GRIA1: variants seen among roughly 807,000 people sequenced by gnomAD.
GRIA1 encodes glutamate ionotropic receptor AMPA type subunit 1.
In GRIA1, 31 loss-of-function variants were observed where a neutral mutation model predicts 99.2. That is an observed-to-expected ratio of 0.31 (90% CI 0.23 to 0.42). The LOEUF is 0.42. GRIA1 is among the 10% of genes least tolerant of loss of function. The pLI is 1.00. For synonymous variants in GRIA1, 438 were observed against 432.4 expected, an observed-to-expected ratio of 1.01 and a Z score of -0.16; for missense variants, 782 against 1,157.5, an observed-to-expected ratio of 0.68 and a Z score of 4.71.
At chr5:153,540,102 C>A (rs1406382529) in intron 2 of GRIA1, among the ~76,000 whole-genome samples, 1 of 152,192 alleles carries the variant, frequency 6.6e-6, no homozygotes, top group African/African-American at 2.4e-5. Flanking sequence ...CTGTGGGGTG[C>A]ATTGTCCCCT....
At position 153,686,274 on chromosome 5, in the gene GRIA1, G is replaced by A. The variant is rs143445023; in HGVS notation, c.1079G>A (p.Arg360His). 28 of 1,613,878 alleles carry A rather than the reference G, an allele frequency of 1.7e-5. No individual in the cohort carries two copies. The highest frequency in any genetic ancestry group is 1.6e-4 in the Middle Eastern group (1 of 6,080). ...AACGTGCAGTTTAATGAGAAAGGAC[G>A]CCGGACCAACTACACGCTCCACGTG... Reference protein sequence around the residue: ...TGNVQFNEKGRRTNYTLHVIE... With the variant: ...TGNVQFNEKGHRTNYTLHVIE... The change falls in exon 8 of 16, where the codon CGC (arginine) becomes CAC (histidine). Residue 360 changes from arginine to histidine, a missense_variant. Arg to His is a conservative substitution (Grantham distance 29, BLOSUM62 0). Around this residue, in one of 5 missense-constraint regions of GRIA1, gnomAD observed 461 missense variants for 521.7 expected, o/e 0.88. Transcript: ENST00000285900.
chr5:153,808,028 G>A (rs757515044), intron 15 of GRIA1, among the ~76,000 whole-genome samples: 1 of 152,240 alleles, frequency 6.6e-6, no homozygotes, highest in Non-Finnish European at 1.5e-5. Context: ...CTCCACAGCA[G>A]GTGGTCACTG....
intron 8 of GRIA1, among the ~76,000 whole-genome samples, chr5:153,687,699 A>G (rs1175165158): frequency 1.3e-5 from 2 of 152,194 alleles, no homozygotes; most frequent in African/African-American, 4.8e-5. Context: ...ATCACTGCAG[A>G]AAGTTCTACT....
intron 13 of GRIA1, among the ~76,000 whole-genome samples, chr5:153,792,577 G>C (rs1221362674): frequency 2.6e-5 from 4 of 152,166 alleles, no homozygotes; most frequent in Non-Finnish European, 5.9e-5. Context: ...AGAAGGAAAG[G>C]TAACAAAACA....
At chr5:153,640,981 A>G (rs1450292370) in intron 2 of GRIA1, among the ~76,000 whole-genome samples, 2 of 152,196 alleles carry the variant, frequency 1.3e-5, no homozygotes, top group Admixed American at 1.3e-4. Context: ...ACGATACAAG[A>G]GAATATAAAA....
chr5:153,745,589 C>CAA lies in GRIA1; in HGVS notation c.1824-18823_1824-18822dup, dbSNP rs58166158. On this transcript the variant is annotated intron_variant, in intron 11 of 15. Coordinates refer to ENST00000285900, the MANE Select transcript of GRIA1 (RefSeq NM_000827.4). ...GGGCAACAAAAGCAAAACTCTGTCTCAAAAAAAAAAAAAAAAAAAAAAAGA... is the reference window on the plus strand; with the variant it reads ...GGGCAACAAAAGCAAAACTCTGTCTCAAAAAAAAAAAAAAAAAAAAAAAAAGA... Among the ~76,000 whole-genome samples the CAA allele has an allele frequency of 2.1e-3, 210 of 100,438 alleles. 1 individual carries two copies. Among genetic ancestry groups the CAA allele is most frequent in the Middle Eastern group, 0.011 (2 of 188 alleles). 65.9% of individuals were successfully genotyped at this position (100,438 alleles called of 152,430 possible).
Position 153,778,175 on chromosome 5 carries a change from C to CAG in GRIA1, c.2270+7777_2270+7778dup, listed in dbSNP as rs1313488385. ...CAAAGGAAGGAGGGAGGCAGAGAGA[C>CAG]AGAGAGAGAGAGAGAGAGTGTGTGT... On this transcript the variant is annotated intron_variant, in intron 13 of 15. Transcript: ENST00000285900. Among the ~76,000 whole-genome samples the CAG allele has an allele frequency of 3.5e-3, 513 of 146,306 alleles. 1 individual carries two copies. The highest frequency in any genetic ancestry group is 5.2e-3 in the South Asian group (23 of 4,392).
chr5:153,632,723 T>C (rs928681184), intron 2 of GRIA1, among the ~76,000 whole-genome samples: 1 of 152,210 alleles, frequency 6.6e-6, no homozygotes, highest in Admixed American at 6.5e-5. Context: ...ACATCTACTA[T>C]GTCAGGGTCA....
intron 13 of GRIA1, among the ~76,000 whole-genome samples, chr5:153,773,482 C>T (rs1268007052): frequency 2.0e-5 from 3 of 152,154 alleles, no homozygotes; most frequent in Non-Finnish European, 2.9e-5. Context: ...ACTCTGAAGG[C>T]AAAAGGTGAT....
chr5:153,729,129 C>G (rs1016067808), intron 11 of GRIA1, among the ~76,000 whole-genome samples: 1 of 147,594 alleles, frequency 6.8e-6, no homozygotes, highest in African/African-American at 2.5e-5. Context: ...TAAACTATCA[C>G]AAGAACAAAA....
intron 2 of GRIA1, among the ~76,000 whole-genome samples, chr5:153,606,737 T>G (rs1449132590): frequency 2.6e-5 from 4 of 151,926 alleles, no homozygotes; most frequent in African/African-American, 4.8e-5. Flanking sequence ...ATTTTATGTC[T>G]CGTGACCTTG....
intron 11 of GRIA1, among the ~76,000 whole-genome samples, chr5:153,710,614 C>T (rs549078608): frequency 4.6e-5 from 7 of 152,240 alleles, no homozygotes; most frequent in African/African-American, 1.7e-4. Flanking sequence ...TCTTTAGTAC[C>T]TTCAACTTTC....
At chr5:153,778,066 G>A (rs941164768) in intron 13 of GRIA1, among the ~76,000 whole-genome samples, 1 of 152,232 alleles carries the variant, frequency 6.6e-6, no homozygotes, top group South Asian at 2.1e-4. Flanking sequence ...GAGAAAGGAA[G>A]AGAAGGAGGA....
At chr5:153,788,131 T>C (rs939263954) in intron 13 of GRIA1, among the ~76,000 whole-genome samples, 3 of 151,862 alleles carry the variant, frequency 2.0e-5, no homozygotes, top group Non-Finnish European at 4.4e-5. Context: ...CTTGGGCTTC[T>C]CCCAAATCCA....
At chr5:153,722,791 C>T (rs1036685549) in intron 11 of GRIA1, among the ~76,000 whole-genome samples, 79 of 152,300 alleles carry the variant, frequency 5.2e-4, no homozygotes, top group Middle Eastern at 3.4e-3. Flanking sequence ...ATTCTCTTCA[C>T]ATAGAGACTC....
intron 2 of GRIA1, among the ~76,000 whole-genome samples, chr5:153,548,171 G>A (rs1759782745): frequency 6.6e-6 from 1 of 152,054 alleles, no homozygotes; most frequent in African/African-American, 2.4e-5. Flanking sequence ...TTGCTTTTAA[G>A]GTGCTGTGAT....
chr5:153,722,463 A>G (rs1399745645), intron 11 of GRIA1, among the ~76,000 whole-genome samples: 1 of 152,162 alleles, frequency 6.6e-6, no homozygotes, highest in Non-Finnish European at 1.5e-5. Flanking sequence ...TTACTTTTAG[A>G]TCTAGGTGTT....
chr5:153,556,931 A>G (rs1446749348), intron 2 of GRIA1, among the ~76,000 whole-genome samples: 2 of 152,204 alleles, frequency 1.3e-5, no homozygotes, highest in Admixed American at 1.3e-4. Flanking sequence ...GCTATATTGG[A>G]TGATACAGAT....
chr5:153,578,222 C>G (rs1220026259), intron 2 of GRIA1, among the ~76,000 whole-genome samples: 4 of 147,818 alleles, frequency 2.7e-5, no homozygotes, highest in Admixed American at 6.7e-5. Context: ...AAACACGATT[C>G]TCTGAAGAAA....
Sources: allele counts gnomAD v4.1 joint callset (sites outside exome capture counted in the v4.1 genomes callset), GRCh38; gene constraint gnomAD v4.1.1; regional missense constraint gnomAD v4.1.1; transcripts MANE v1.5; gene names NCBI Gene and HGNC (gene_info 2026-07-23, HGNC 2026-07-21).